Variants in STAU1 observed in about 807,000 individuals in gnomAD.
The protein encoded by STAU1 is double-stranded RNA-binding protein Staufen homolog 1.
Under a neutral mutation model 62.9 loss-of-function variants are expected in STAU1, and 13 were observed. The ratio of observed to expected loss-of-function variants is 0.21; its 90% CI spans 0.13 to 0.33. The LOEUF (loss-of-function observed/expected upper bound fraction) is 0.33. STAU1 is among the 10% of genes least tolerant of loss of function. STAU1 has a pLI of 1.00. For synonymous variants in STAU1, 269 were observed against 265.1 expected (o/e 1.01, Z -0.14); for missense variants, 571 against 712.1 (o/e 0.80, Z 2.25).
At chr20:49,173,969 T>C (rs189186776) in intron 2 of STAU1, among the ~76,000 whole-genome samples, 9 of 152,340 alleles carry the variant, frequency 5.9e-5, no homozygotes, top group Admixed American at 4.6e-4. Context: ...TCAATTCTCA[T>C]GTCTCTATAT....
chr20:49,150,476 C>T (rs1490059592), intron 5 of STAU1, among the ~76,000 whole-genome samples: 1 of 152,112 alleles, frequency 6.6e-6, no homozygotes, highest in Non-Finnish European at 1.5e-5. Flanking sequence ...ATTCTCCTGC[C>T]TCAGCCTCTC....
In STAU1 at chr20:49,165,067, C is replaced by T. The variant is rs764848233; in HGVS notation, c.205+930G>A. ...ATTTATTTTTTATTTATTTTTGAGA[C>T]GGAGTCTTGCCTTGTTGCCCAGGCT... is the stretch of plus-strand genomic sequence containing the variant. On this transcript the variant is annotated intron_variant, in intron 3 of 13. Transcript: ENST00000371856. Among the ~76,000 whole-genome samples, 6 of 151,998 alleles carry T rather than the reference C, an allele frequency of 3.9e-5. 1 individual carries two copies. The East Asian group carries it at 5.8e-4, about 15-fold the overall frequency.
chr20:49,137,634 C>T (rs1213954039), intron 5 of STAU1, among the ~76,000 whole-genome samples: 1 of 151,908 alleles, frequency 6.6e-6, no homozygotes, highest in Non-Finnish European at 1.5e-5. Context: ...TTGTGCATTT[C>T]CTTATGTTTA....
At chr20:49,195,904 A>AAAAAAAAAAAAAAAAAAAAG in the STAU1 span, among the ~76,000 whole-genome samples, 25 of 95,250 alleles carry the variant, frequency 2.6e-4, no homozygotes, top group South Asian at 1.1e-3. Flanking sequence ...CTCTCAAAAA[A>AAAAAAAAAAAAAAAAAAAAG]AAAAAAAAAA....
At chr20:49,118,193 G>A (rs932664524) in intron 10 of STAU1, 97 bp from the exon 11 acceptor site, 18 of 1,385,440 alleles carry the variant, frequency 1.3e-5, no homozygotes, top group African/African-American at 7.1e-5. Flanking sequence ...CCCTTGGCAC[G>A]CATGGCAGCG....
At chr20:49,194,077 G>C in the STAU1 span, among the ~76,000 whole-genome samples, 14 of 152,280 alleles carry the variant, frequency 9.2e-5, no homozygotes, top group East Asian at 2.5e-3. Flanking sequence ...GGAATTAAAT[G>C]TGTACTTCAT....
At chr20:49,204,457 A>C in the STAU1 span, among the ~76,000 whole-genome samples, 8 of 151,126 alleles carry the variant, frequency 5.3e-5, no homozygotes, top group Non-Finnish European at 1.0e-4. Context: ...GTATTCCAAC[A>C]AATGGATATG....
chr20:49,128,403 C>G (rs1335712781), intron 6 of STAU1, among the ~76,000 whole-genome samples: 1 of 152,146 alleles, frequency 6.6e-6, no homozygotes, highest in African/African-American at 2.4e-5. Flanking sequence ...AGCCATGGCT[C>G]TCCAGCAGGA....
the STAU1 span, among the ~76,000 whole-genome samples, chr20:49,204,623 TGTGTATATATATATATATATATA>T: frequency 3.5e-4 from 14 of 40,476 alleles, no homozygotes; most frequent in East Asian, 1.7e-3. Flanking sequence ...TATATATATA[TGTGTATATATATATATATATATA>T]TTTTTTTTTT....
chr20:49,123,859 T>TC (rs2092528645), intron 7 of STAU1, among the ~76,000 whole-genome samples: 1 of 152,198 alleles, frequency 6.6e-6, no homozygotes, highest in Admixed American at 6.5e-5. Flanking sequence ...ATCACAAAGT[T>TC]CCCCATGGAA....
chr20:49,168,113 C>T (rs967520797), intron 2 of STAU1, among the ~76,000 whole-genome samples: 23 of 149,110 alleles, frequency 1.5e-4, no homozygotes, highest in African/African-American at 5.7e-4. Context: ...CGAGACAGAG[C>T]TTTGTCGCCC....
At chr20:49,194,963 CG>C in the STAU1 span, among the ~76,000 whole-genome samples, 1 of 151,720 alleles carries the variant, frequency 6.6e-6, no homozygotes. Flanking sequence ...ATAATAATAA[CG>C]GGAAACCATA....
intron 2 of STAU1, among the ~76,000 whole-genome samples, chr20:49,167,510 G>A (rs1429435362): frequency 6.6e-6 from 1 of 152,120 alleles, no homozygotes; most frequent in Non-Finnish European, 1.5e-5. Flanking sequence ...GATAGCAGAG[G>A]CATAAGTATT....
At chr20:49,153,622 C>T (rs2093299372) in intron 4 of STAU1, among the ~76,000 whole-genome samples, 1 of 146,046 alleles carries the variant, frequency 6.8e-6, no homozygotes, top group Admixed American at 6.9e-5. Flanking sequence ...GAGACAGCCT[C>T]CTCACTTGAA....
the STAU1 span, among the ~76,000 whole-genome samples, chr20:49,209,438 T>TAAAAAAA: frequency 8.4e-6 from 1 of 119,134 alleles, no homozygotes; most frequent in Admixed American, 9.1e-5. Context: ...TCTGTACAGT[T>TAAAAAAA]AAAAAAAAAA....
At chr20:49,131,073 T>A (rs1056925177) in intron 6 of STAU1, among the ~76,000 whole-genome samples, 1 of 152,128 alleles carries the variant, frequency 6.6e-6, no homozygotes, top group Non-Finnish European at 1.5e-5. Flanking sequence ...ATCACTCCCA[T>A]GGTGATCCTG....
At chr20:49,212,615 A>AGTTTTTTTTTTTTTTTTTTTTTT in the STAU1 span, among the ~76,000 whole-genome samples, 1 of 85,176 alleles carries the variant, frequency 1.2e-5, no homozygotes, top group Non-Finnish European at 2.2e-5. Context: ...AGCTATTGGA[A>AGTTTTTTTTTTTTTTTTTTTTTT]TTTTTTTTTT....
chr20:49,172,249 T>C (rs907493567), intron 2 of STAU1, among the ~76,000 whole-genome samples: 2 of 152,342 alleles, frequency 1.3e-5, no homozygotes, highest in South Asian at 2.1e-4. Context: ...CATCACACCA[T>C]GCTAAAGTGA....
At chr20:49,128,221 G>A (rs2092674752) in intron 6 of STAU1, among the ~76,000 whole-genome samples, 1 of 151,920 alleles carries the variant, frequency 6.6e-6, no homozygotes, top group Admixed American at 6.6e-5. Context: ...AGCTACTTGG[G>A]AGGCTGAGAC....
Sources: gnomAD v4.1 joint callset for allele counts (sites outside exome capture counted in the v4.1 genomes callset) on GRCh38, gnomAD v4.1.1 for gene constraint, MANE v1.5 for transcripts, NCBI Gene and HGNC (gene_info 2026-07-23, HGNC 2026-07-21) for gene names.